GMDS: variants seen among roughly 807,000 people sequenced by gnomAD.
The protein encoded by GMDS is GDP-mannose 4,6-dehydratase, also known as GDP-mannose 4,6 dehydratase.
In GMDS, 20 loss-of-function variants were observed where a neutral mutation model predicts 49.9. The ratio of observed to expected loss-of-function variants is 0.40; its 90% CI spans 0.28 to 0.58. GMDS has a LOEUF of 0.58. GMDS is among the 20% of genes least tolerant of loss of function. The pLI is 0.42. For missense variants in GMDS, 362 were observed against 481.4 expected, an observed-to-expected ratio of 0.75 and a Z score of 2.32; for synonymous variants, 177 against 178.6, an observed-to-expected ratio of 0.99 and a Z score of 0.07.
chr6:2,005,572 A>T (rs1184941464), intron 4 of GMDS, among the ~76,000 whole-genome samples: 1 of 152,212 alleles, frequency 6.6e-6, no homozygotes, highest in African/African-American at 2.4e-5. Flanking sequence ...TAGACCCCAT[A>T]GTCTGTCACT....
chr6:2,164,053 T>A lies in GMDS; in HGVS notation c.103-39322A>T, dbSNP rs1322202349. 2.0e-5 allele frequency among the ~76,000 whole-genome samples: 3 copies of A among 152,174 alleles called. No homozygotes were observed. In the East Asian group the frequency reaches 5.8e-4, roughly 29 times the overall value. ...TTTCTCTACATTAAAATGAGCCAAG[T>A]CTAGCATTTCTAATTCAATCACCGT... is the stretch of plus-strand genomic sequence containing the variant. On this transcript the variant is annotated intron_variant, in intron 1 of 10. Coordinates refer to ENST00000380815, the MANE Select transcript of GMDS (RefSeq NM_001500.4).
intron 6 of GMDS, among the ~76,000 whole-genome samples, chr6:1,936,425 C>A (rs186088582): frequency 6.6e-6 from 1 of 152,304 alleles, no homozygotes; most frequent in Admixed American, 6.5e-5. Context: ...AGACACCAGG[C>A]ACAGCCAGAA....
At chr6:1,816,435 A>T (rs920780274) in intron 7 of GMDS, among the ~76,000 whole-genome samples, 2 of 152,200 alleles carry the variant, frequency 1.3e-5, no homozygotes, top group African/African-American at 4.8e-5. Flanking sequence ...TCAGGTGTTC[A>T]CTGATGACTG....
rs189682554 is a variant in GMDS, at chr6:1,724,357, C to T, written c.987+2059G>A. Among the ~76,000 whole-genome samples, 244 of 152,292 alleles carry T rather than the reference C, an allele frequency of 1.6e-3. 1 individual carries two copies. Among genetic ancestry groups the T allele is most frequent in the Middle Eastern group, 3.4e-3 (1 of 294 alleles). On this transcript the variant is annotated intron_variant, in intron 9 of 10. Transcript: ENST00000380815. ...AACGGGAGGGATGCGGCGTCGGTCACGGCAGGAAAGGGGGTCGATGCGGAT... is the reference window on the plus strand; with the variant it reads ...AACGGGAGGGATGCGGCGTCGGTCATGGCAGGAAAGGGGGTCGATGCGGAT...
intron 9 of GMDS, among the ~76,000 whole-genome samples, chr6:1,704,849 G>A (rs550237160): frequency 7.9e-5 from 12 of 152,062 alleles, no homozygotes; most frequent in South Asian, 4.2e-4. Flanking sequence ...TTTTGGCGGC[G>A]GTGGAGAGGG....
chr6:1,710,532 G>C (rs559936647), intron 9 of GMDS, among the ~76,000 whole-genome samples: 1 of 152,214 alleles, frequency 6.6e-6, no homozygotes, highest in South Asian at 2.1e-4. Flanking sequence ...GCCCTCTGGG[G>C]CTTCACCAAA....
At chr6:1,694,702 C>T (rs1397342620) in intron 9 of GMDS, among the ~76,000 whole-genome samples, 1 of 152,152 alleles carries the variant, frequency 6.6e-6, no homozygotes, top group Non-Finnish European at 1.5e-5. Context: ...AGTGTGTTGG[C>T]AGAATGACAT....
chr6:2,029,584 T>G (rs1051612553), intron 4 of GMDS, among the ~76,000 whole-genome samples: 5 of 152,174 alleles, frequency 3.3e-5, no homozygotes, highest in African/African-American at 1.2e-4. Context: ...CCTCCCAGTA[T>G]AAGTGGCAAA....
intron 9 of GMDS, among the ~76,000 whole-genome samples, chr6:1,682,471 G>A (rs1257173657): frequency 6.6e-6 from 1 of 152,226 alleles, no homozygotes; most frequent in African/African-American, 2.4e-5. Flanking sequence ...CATTGCCACT[G>A]GGAGGACCGG....
At chr6:2,221,530 A>T (rs1780588656) in intron 1 of GMDS, among the ~76,000 whole-genome samples, 2 of 152,116 alleles carry the variant, frequency 1.3e-5, no homozygotes, top group African/African-American at 4.8e-5. Flanking sequence ...CTGGGACTAC[A>T]GGCACCCGCC....
intron 7 of GMDS, among the ~76,000 whole-genome samples, chr6:1,889,934 T>C (rs1191980263): frequency 4.6e-5 from 7 of 152,216 alleles, no homozygotes; most frequent in Admixed American, 3.9e-4. Context: ...CATTGCAGTG[T>C]CCATTAGTGC....
chr6:1,694,380 T>C (rs1454777289), intron 9 of GMDS, among the ~76,000 whole-genome samples: 1 of 152,228 alleles, frequency 6.6e-6, no homozygotes, highest in African/African-American at 2.4e-5. Context: ...CTACTGTTGC[T>C]TTTGATTCTT....
At chr6:1,627,508 C>T (rs866572805) in intron 9 of GMDS, among the ~76,000 whole-genome samples, 21 of 152,220 alleles carry the variant, frequency 1.4e-4, no homozygotes, top group African/African-American at 4.3e-4. Context: ...CCATGATACA[C>T]GTCCCTTTAA....
chr6:1,967,529 A>C (rs950207200), intron 4 of GMDS, among the ~76,000 whole-genome samples: 6 of 152,264 alleles, frequency 3.9e-5, no homozygotes, highest in Admixed American at 3.9e-4. Context: ...AAAACTCTCT[A>C]TAAATTCCAA....
At chr6:2,118,066 A>G (rs552354200) in intron 2 of GMDS, among the ~76,000 whole-genome samples, 49 of 152,312 alleles carry the variant, frequency 3.2e-4, no homozygotes, top group African/African-American at 1.2e-3. Context: ...AGCTAAGTAG[A>G]AAAGTCGGAA....
At chr6:2,108,904 GA>G (rs1218277710) in intron 4 of GMDS, among the ~76,000 whole-genome samples, 1 of 152,124 alleles carries the variant, frequency 6.6e-6, no homozygotes, top group East Asian at 1.9e-4. Flanking sequence ...TGCCACTTTA[GA>G]ATTCTAGAGC....
intron 1 of GMDS, among the ~76,000 whole-genome samples, chr6:2,228,914 A>C (rs1333847021): frequency 6.6e-6 from 1 of 152,240 alleles, no homozygotes; most frequent in Admixed American, 6.5e-5. Flanking sequence ...GTGGCCAGGC[A>C]GCCAGGCTCT....
intron 7 of GMDS, among the ~76,000 whole-genome samples, chr6:1,918,143 G>C (rs1390705505): frequency 1.3e-5 from 2 of 152,148 alleles, no homozygotes; most frequent in Non-Finnish European, 2.9e-5. Context: ...AGAGAGGATA[G>C]AGAGGGGAGA....
intron 7 of GMDS, among the ~76,000 whole-genome samples, chr6:1,771,019 GATAT>G (rs923605490): frequency 1.3e-5 from 2 of 152,076 alleles, no homozygotes; most frequent in African/African-American, 4.8e-5. Flanking sequence ...GTCTTCATAG[GATAT>G]ATAAACAAAC....
Sources: allele counts gnomAD v4.1 joint callset (sites outside exome capture counted in the v4.1 genomes callset), GRCh38; gene constraint gnomAD v4.1.1; transcripts MANE v1.5; gene names NCBI Gene and HGNC (gene_info 2026-07-23, HGNC 2026-07-21).